CFAP20DC: variants seen among roughly 807,000 people sequenced by gnomAD.
The protein encoded by CFAP20DC is protein CFAP20DC.
A neutral mutation model predicts 101.7 loss-of-function variants in CFAP20DC; 84 were observed. The ratio of observed to expected loss-of-function variants is 0.83; its 90% CI spans 0.69 to 0.99. The LOEUF is 0.99. CFAP20DC is among the 50% of genes least tolerant of loss of function. The pLI is 0.00. For synonymous variants in CFAP20DC, 359 were observed against 351.2 expected, an observed-to-expected ratio of 1.02 and a Z score of -0.25; for missense variants, 1,007 against 970.3, an observed-to-expected ratio of 1.04 and a Z score of -0.50.
At chr3:58,747,591 C>G (rs2107191150) in intron 16 of CFAP20DC, among the ~76,000 whole-genome samples, 1 of 152,184 alleles carries the variant, frequency 6.6e-6, no homozygotes, top group African/African-American at 2.4e-5. Context: ...TATTTTCTCT[C>G]CTATAGATCT....
At chr3:58,924,156 G>A (rs2085693984) in intron 5 of CFAP20DC, among the ~76,000 whole-genome samples, 2 of 151,946 alleles carry the variant, frequency 1.3e-5, no homozygotes, top group Admixed American at 1.3e-4. Context: ...GGTGAGGTTT[G>A]GGCTTCTAGT....
At chr3:58,915,889 A>C (rs1230828844) in intron 5 of CFAP20DC, among the ~76,000 whole-genome samples, 1 of 152,060 alleles carries the variant, frequency 6.6e-6, no homozygotes, top group Admixed American at 6.6e-5. Flanking sequence ...TTTGGACACT[A>C]TCTACTGACT....
intron 4 of CFAP20DC, among the ~76,000 whole-genome samples, chr3:58,946,596 G>A (rs760924022): frequency 1.4e-4 from 21 of 152,040 alleles, no homozygotes; most frequent in Admixed American, 6.6e-4. Context: ...CCCCAGTATC[G>A]CCTGTCACCA....
At chr3:58,941,103 G>A (rs935133439) in intron 4 of CFAP20DC, among the ~76,000 whole-genome samples, 3 of 152,048 alleles carry the variant, frequency 2.0e-5, no homozygotes, top group Non-Finnish European at 2.9e-5. Flanking sequence ...GGCTGAGGCG[G>A]GTGGATCACG....
At chr3:59,000,281 T>G (rs2093272241) in intron 4 of CFAP20DC, among the ~76,000 whole-genome samples, 1 of 152,188 alleles carries the variant, frequency 6.6e-6, no homozygotes, top group African/African-American at 2.4e-5. Flanking sequence ...ACCCTCCATC[T>G]GCATGAGATT....
chr3:58,826,640 C>T (rs556105316), intron 14 of CFAP20DC, among the ~76,000 whole-genome samples: 5 of 152,206 alleles, frequency 3.3e-5, no homozygotes, highest in African/African-American at 9.6e-5. Flanking sequence ...TAAACTCATC[C>T]GTAAACAAGG....
rs893143184 is a variant in CFAP20DC at position 59,006,172 on chromosome 3, G to A, written c.278+33385C>T. Among the ~76,000 whole-genome samples the A allele has an allele frequency of 6.6e-6, 1 of 152,074 alleles. No individual in the cohort carries two copies. Among genetic ancestry groups the A allele is most frequent in the South Asian group, 2.1e-4 (1 of 4,820 alleles). ...GGATGGATGGACGGGGAGGAGGGGC[G>A]AATAGGTTAGAATGTAGACAGTGGC... On this transcript the variant is annotated intron_variant, in intron 4 of 16. Transcript: ENST00000482387. This position sits in a 1 kb window ranked among gnomAD's most constrained non-coding sequence, Gnocchi z 4.3.
At chr3:58,761,748 T>G (rs144016015) in intron 15 of CFAP20DC, among the ~76,000 whole-genome samples, 3,533 of 152,274 alleles carry the variant, frequency 0.023, 124 homozygotes, top group African/African-American at 0.08. Context: ...CTTTGTTCTC[T>G]TTGGTTTCAA....
intron 4 of CFAP20DC, among the ~76,000 whole-genome samples, chr3:58,995,270 A>G (rs905343424): frequency 6.6e-6 from 1 of 152,098 alleles, no homozygotes; most frequent in Non-Finnish European, 1.5e-5. Context: ...TTTTAGCCCA[A>G]AAAGAGGACT....
At chr3:58,760,681 T>C (rs1462317082) in intron 15 of CFAP20DC, among the ~76,000 whole-genome samples, 2 of 152,218 alleles carry the variant, frequency 1.3e-5, no homozygotes, top group Admixed American at 6.5e-5. Context: ...TTGTCATAAA[T>C]AGCTCTTATT....
intron 14 of CFAP20DC, among the ~76,000 whole-genome samples, chr3:58,818,460 T>C (rs928470158): frequency 2.0e-5 from 3 of 151,028 alleles, no homozygotes; most frequent in Non-Finnish European, 4.4e-5. Flanking sequence ...ACCAAGCAAA[T>C]GGAAAACTGA....
At chr3:58,760,098 G>A (rs988114723) in intron 15 of CFAP20DC, among the ~76,000 whole-genome samples, 4 of 152,180 alleles carry the variant, frequency 2.6e-5, no homozygotes, top group Non-Finnish European at 5.9e-5. Flanking sequence ...TGATGGGGAT[G>A]GCACTGAATC....
intron 3 of CFAP20DC, among the ~76,000 whole-genome samples, chr3:59,043,108 G>C (rs1254187378): frequency 6.6e-6 from 1 of 152,138 alleles, no homozygotes; most frequent in Non-Finnish European, 1.5e-5. Context: ...TCTAGAGTTA[G>C]GAGAGAAGTC....
rs912934837 is a variant in CFAP20DC at position 59,006,146 on chromosome 3, T to C, written c.278+33411A>G. ...ATACATGGAAGGATGGATGGATGGA[T>C]GGATGGATGGACGGGGAGGAGGGGC... is the stretch of plus-strand genomic sequence containing the variant. On this transcript the variant is annotated intron_variant, in intron 4 of 16. Coordinates refer to ENST00000482387, the MANE Select transcript of CFAP20DC (RefSeq NM_001394063.1). This position sits in a 1 kb window ranked among gnomAD's most constrained non-coding sequence, Gnocchi z 4.3. Among the ~76,000 whole-genome samples, 2 of 152,102 alleles carry C rather than the reference T, an allele frequency of 1.3e-5. No homozygotes were observed. Among genetic ancestry groups the C allele is most frequent in the Non-Finnish European group, 2.9e-5 (2 of 68,020 alleles).
chr3:58,872,070 A>T (rs2080272532), intron 7 of CFAP20DC, among the ~76,000 whole-genome samples: 1 of 152,182 alleles, frequency 6.6e-6, no homozygotes. Context: ...TTGTGACTGC[A>T]ATTAGCCTCC....
intron 4 of CFAP20DC, among the ~76,000 whole-genome samples, chr3:59,025,408 A>G (rs944399348): frequency 2.6e-5 from 4 of 152,130 alleles, no homozygotes; most frequent in Non-Finnish European, 5.9e-5. Flanking sequence ...TTCACAAGGA[A>G]AGCAGACATG....
intron 14 of CFAP20DC, among the ~76,000 whole-genome samples, chr3:58,827,437 G>A (rs1004123885): frequency 6.7e-6 from 1 of 149,130 alleles, no homozygotes; most frequent in Non-Finnish European, 1.5e-5. Flanking sequence ...GGGGTGGGTA[G>A]CGAGACAAGC....
chr3:58,866,303 G>T (rs1373825111), intron 11 of CFAP20DC, among the ~76,000 whole-genome samples: 1 of 152,184 alleles, frequency 6.6e-6, no homozygotes, highest in Non-Finnish European at 1.5e-5. Context: ...TTTGGGGAGG[G>T]TGACCATGCC....
At chr3:58,919,052 T>A (rs1269912376) in intron 5 of CFAP20DC, among the ~76,000 whole-genome samples, 1 of 152,130 alleles carries the variant, frequency 6.6e-6, no homozygotes, top group Non-Finnish European at 1.5e-5. Context: ...CATCAAGACA[T>A]AGGATGTTTT....
Sources: allele counts gnomAD v4.1 joint callset (sites outside exome capture counted in the v4.1 genomes callset), GRCh38; gene constraint gnomAD v4.1.1; non-coding constraint Gnocchi (gnomAD v3.1); transcripts MANE v1.5; gene names NCBI Gene and HGNC (gene_info 2026-07-23, HGNC 2026-07-21).